LMX1A: variants seen among roughly 807,000 people sequenced by gnomAD.
LMX1A encodes the protein LIM homeobox transcription factor 1-alpha.
A neutral mutation model predicts 49.1 loss-of-function variants in LMX1A; 15 were observed. That is an observed-to-expected ratio of 0.31 (90% confidence interval 0.20 to 0.47). The LOEUF (loss-of-function observed/expected upper bound fraction) is 0.47. LMX1A is among the 20% of genes least tolerant of loss of function. The probability of loss-of-function intolerance (pLI) is 1.00; values close to 1 mark genes in which losing one functional copy is unlikely to be tolerated. For missense variants in LMX1A, 372 were observed against 475.8 expected, an observed-to-expected ratio of 0.78 and a Z score of 2.03; for synonymous variants, 167 against 185.7, an observed-to-expected ratio of 0.90 and a Z score of 0.82.
At chr1:165,220,707 A>G (rs934810011) in intron 4 of LMX1A, among the ~76,000 whole-genome samples, 3 of 152,232 alleles carry the variant, frequency 2.0e-5, no homozygotes, top group African/African-American at 7.2e-5. Flanking sequence ...AGTCATCTGT[A>G]CATGCCTTGG....
chr1:165,327,046 G>C (rs529509815), intron 3 of LMX1A, among the ~76,000 whole-genome samples: 1 of 152,268 alleles, frequency 6.6e-6, no homozygotes, highest in Admixed American at 6.5e-5. Flanking sequence ...CAATTACCTT[G>C]AAATTTCCTT....
intron 4 of LMX1A, among the ~76,000 whole-genome samples, chr1:165,227,481 C>T (rs1231183030): frequency 6.6e-6 from 1 of 152,130 alleles, no homozygotes; most frequent in South Asian, 2.1e-4. Context: ...GTGGAGGCTG[C>T]AGTGAGCCAA....
At chr1:165,248,967 A>G (rs1891928) in intron 4 of LMX1A, among the ~76,000 whole-genome samples, 43,851 of 152,052 alleles carry the variant, frequency 0.29, 6,673 homozygotes, top group Middle Eastern at 0.37. Flanking sequence ...TTGCACTTTT[A>G]CCACTGTCAG....
chr1:165,280,063 G>C (rs897642580), intron 3 of LMX1A, among the ~76,000 whole-genome samples: 1 of 152,086 alleles, frequency 6.6e-6, no homozygotes, highest in Non-Finnish European at 1.5e-5. Flanking sequence ...GCTTCACACC[G>C]AGCAGGCTGA....
intron 3 of LMX1A, among the ~76,000 whole-genome samples, chr1:165,314,364 T>C (rs1192514239): frequency 6.6e-6 from 1 of 152,218 alleles, no homozygotes; most frequent in East Asian, 1.9e-4. Flanking sequence ...TTCACCTTTA[T>C]GCTTGCATCT....
intron 4 of LMX1A, among the ~76,000 whole-genome samples, chr1:165,230,239 G>A (rs1652191683): frequency 6.6e-6 from 1 of 152,204 alleles, no homozygotes; most frequent in African/African-American, 2.4e-5. Flanking sequence ...TGTTATTGCA[G>A]CCTGAGCAGA....
intron 3 of LMX1A, among the ~76,000 whole-genome samples, chr1:165,282,032 T>C (rs1476973709): frequency 6.6e-6 from 1 of 152,190 alleles, no homozygotes; most frequent in Non-Finnish European, 1.5e-5. Flanking sequence ...AGGAAATACA[T>C]TGGCACATGC....
chr1:165,210,504 A>G (rs1302160705), intron 6 of LMX1A, 195 bp downstream of exon 6: 7 of 411,958 alleles, frequency 1.7e-5, no homozygotes, highest in Non-Finnish European at 3.0e-5. Flanking sequence ...TTTCACTAAA[A>G]TGAATGCCTT....
At chr1:165,230,391 G>C (rs772087620) in intron 4 of LMX1A, among the ~76,000 whole-genome samples, 1 of 150,248 alleles carries the variant, frequency 6.7e-6, no homozygotes, top group South Asian at 2.1e-4. Context: ...CTGTCACTTA[G>C]GCAATGCCCA....
At chr1:165,234,334 A>G (rs1441426485) in intron 4 of LMX1A, among the ~76,000 whole-genome samples, 2 of 152,142 alleles carry the variant, frequency 1.3e-5, no homozygotes, top group Admixed American at 6.5e-5. Context: ...TTTCATACCC[A>G]TTGTGAAACC....
At chr1:165,220,264 A>G (rs1651792887) in intron 4 of LMX1A, among the ~76,000 whole-genome samples, 1 of 152,226 alleles carries the variant, frequency 6.6e-6, no homozygotes, top group Non-Finnish European at 1.5e-5. Context: ...TTCTTCAGGC[A>G]TAGTAAAAAC....
chr1:165,208,169 G>T, intron 6 of LMX1A, 37 bp from the exon 7 acceptor site: 1 of 1,596,684 alleles, frequency 6.3e-7, no homozygotes. Flanking sequence ...GAAGTCAGGT[G>T]GCCTGCAGCA....
At chr1:165,329,137 T>C (rs1470970142) in intron 3 of LMX1A, among the ~76,000 whole-genome samples, 1 of 152,152 alleles carries the variant, frequency 6.6e-6, no homozygotes, top group Non-Finnish European at 1.5e-5. Flanking sequence ...GAAACAGGTA[T>C]GTCTTACATG....
At position 165,219,171 on chromosome 1, in the gene LMX1A, C is replaced by T. The variant is rs541422252; in HGVS notation, c.497-5358G>A. On this transcript the variant is annotated intron_variant, in intron 4 of 8. Coordinates refer to ENST00000342310, the MANE Select transcript of LMX1A (RefSeq NM_177398.4). ...GACATAAGCAATGGCAGATGAAAGACCCAGCCATGGTTTATGGCTCAGAGA... is the reference window on the plus strand; with the variant it reads ...GACATAAGCAATGGCAGATGAAAGATCCAGCCATGGTTTATGGCTCAGAGA... 3 of 152,324 alleles carry T rather than the reference C, an allele frequency of 2.0e-5. No individual in the cohort carries two copies. In the South Asian group the frequency reaches 6.2e-4, roughly 32 times the overall value. 9.4% of individuals were successfully genotyped at this position (152,324 alleles called of 1,614,324 possible). A position where few individuals can be genotyped will look rare whatever the true frequency, so the allele number is the denominator to read the frequency against.
chr1:165,263,056 C>G (rs1025857736), intron 3 of LMX1A, among the ~76,000 whole-genome samples: 1 of 152,188 alleles, frequency 6.6e-6, no homozygotes, highest in Non-Finnish European at 1.5e-5. Context: ...GTCACTCCTG[C>G]TTTGTTCTTC....
At chr1:165,235,005 T>C (rs566999107) in intron 4 of LMX1A, among the ~76,000 whole-genome samples, 1 of 152,288 alleles carries the variant, frequency 6.6e-6, no homozygotes, top group Admixed American at 6.5e-5. Flanking sequence ...GCCTGCAATG[T>C]TCAGATTCAG....
intron 4 of LMX1A, among the ~76,000 whole-genome samples, chr1:165,225,127 T>A (rs1276319771): frequency 6.6e-6 from 1 of 152,188 alleles, no homozygotes; most frequent in African/African-American, 2.4e-5. Flanking sequence ...CCAGTCCTCA[T>A]GTGACTGCAA....
At chr1:165,294,034 G>T (rs1654549481) in intron 3 of LMX1A, among the ~76,000 whole-genome samples, 1 of 152,174 alleles carries the variant, frequency 6.6e-6, no homozygotes, top group South Asian at 2.1e-4. Context: ...CTATCATTAG[G>T]TCCATGTTCT....
chr1:165,290,683 T>C (rs987008258), intron 3 of LMX1A, among the ~76,000 whole-genome samples: 1 of 152,186 alleles, frequency 6.6e-6, no homozygotes, highest in Admixed American at 6.5e-5. Context: ...AAAGACCCTA[T>C]TGTACTCCCA....
Sources: gnomAD v4.1 joint callset for allele counts (sites outside exome capture counted in the v4.1 genomes callset) on GRCh38, gnomAD v4.1.1 for gene constraint, MANE v1.5 for transcripts, NCBI Gene and HGNC (gene_info 2026-07-23, HGNC 2026-07-21) for gene names.